SNX30: variants seen among roughly 807,000 people sequenced by gnomAD.
SNX30 encodes the protein sorting nexin family member 30.
A neutral mutation model predicts 46.4 loss-of-function variants in SNX30; 24 were observed. The ratio of observed to expected loss-of-function variants is 0.52; its 90% CI spans 0.37 to 0.73. SNX30 has a LOEUF of 0.73. Ranked by LOEUF, SNX30 falls within the 30% of genes least tolerant of loss-of-function variation. SNX30 has a pLI of 0.00. For missense variants in SNX30, 533 were observed against 555.7 expected, an observed-to-expected ratio of 0.96 and a Z score of 0.41; for synonymous variants, 189 against 211.5, an observed-to-expected ratio of 0.89 and a Z score of 0.92.
intron 5 of SNX30, among the ~76,000 whole-genome samples, chr9:112,837,045 A>G (rs1840766535): frequency 6.6e-6 from 1 of 152,162 alleles, no homozygotes; most frequent in African/African-American, 2.4e-5. Context: ...GACAGACGTG[A>G]GCAGTGTAAA....
intron 1 of SNX30, among the ~76,000 whole-genome samples, chr9:112,764,804 C>T (rs1477490365): frequency 6.6e-6 from 1 of 152,122 alleles, no homozygotes; most frequent in African/African-American, 2.4e-5. Flanking sequence ...AAAAGGTGAG[C>T]CTATAGACAG....
At chr9:112,758,074 C>T (rs976680196) in intron 1 of SNX30, among the ~76,000 whole-genome samples, 1 of 152,120 alleles carries the variant, frequency 6.6e-6, no homozygotes, top group African/African-American at 2.4e-5. Flanking sequence ...CACCTTCCAC[C>T]TTAGAGAAGA....
intron 1 of SNX30, among the ~76,000 whole-genome samples, chr9:112,772,882 C>T (rs919593406): frequency 2.2e-4 from 33 of 152,196 alleles, no homozygotes; most frequent in Non-Finnish European, 1.0e-4. Flanking sequence ...TATGAAAAGG[C>T]TACTTGAAAA....
intron 6 of SNX30, among the ~76,000 whole-genome samples, chr9:112,845,350 C>T (rs986358866): frequency 1.3e-5 from 2 of 152,182 alleles, no homozygotes; most frequent in African/African-American, 2.4e-5. Context: ...TGGTTTACAC[C>T]GCGGAACCCT....
Position 112,836,413 on chromosome 9 carries a change from A to G in SNX30, c.814+4A>G. The G allele has an allele frequency of 6.3e-7, 1 of 1,587,818 alleles. No individual in the cohort carries two copies. The highest frequency in any genetic ancestry group is 8.6e-7 in the Non-Finnish European group (1 of 1,157,944). On this transcript the variant is annotated splice_donor_region_variant and intron_variant, in intron 5 of 8. Transcript: ENST00000374232. The stretch of plus-strand genomic sequence containing the variant: ...CGGATCATCAAAGAAGAAATAGGTG[A>G]GCTGTCTGTTGAGGTCTCGATTATG...
At chr9:112,849,287 A>C (rs1015772989) in intron 6 of SNX30, among the ~76,000 whole-genome samples, 1 of 152,180 alleles carries the variant, frequency 6.6e-6, no homozygotes, top group Non-Finnish European at 1.5e-5. Flanking sequence ...TTATAGATTT[A>C]TGTCATCCAG....
In SNX30 at chr9:112,817,780, A is replaced by G. The variant is rs1447326633; in HGVS notation, c.424A>G (p.Lys142Glu). Residue 142 changes from lysine (K) to glutamate (E), a missense_variant, in exon 3 of 9, where the codon AAA becomes GAA. This residue lies in a region of SNX30 where 81 missense variants were observed against 124.4 expected (regional missense o/e 0.65). Coordinates refer to ENST00000374232, the MANE Select transcript of SNX30 (RefSeq NM_001012994.2). ...CCAGGATTTTGACTGGTTGAGGAGC[A>G]AACTGGAAGAATCCCAGCCCACTCA... ...RYQDFDWLRS[K>E]LEESQPTHLI... 42 of 1,613,796 alleles carry G rather than the reference A, an allele frequency of 2.6e-5. No homozygotes were observed. Among genetic ancestry groups the G allele is most frequent in the Non-Finnish European group, 3.5e-5 (41 of 1,179,832 alleles).
At chr9:112,852,921 AT>A (rs1841052780) in intron 7 of SNX30, among the ~76,000 whole-genome samples, 1 of 152,120 alleles carries the variant, frequency 6.6e-6, no homozygotes, top group Admixed American at 6.5e-5. Flanking sequence ...CAGCTTTGGA[AT>A]TTGAAACCCA....
intron 4 of SNX30, among the ~76,000 whole-genome samples, chr9:112,835,619 G>C (rs146270882): frequency 6.6e-6 from 1 of 152,098 alleles, no homozygotes; most frequent in East Asian, 1.9e-4. Flanking sequence ...GCCTAGCCTG[G>C]CTAATAAGCT....
At chr9:112,866,778 T>C (rs1216797389) in intron 8 of SNX30, among the ~76,000 whole-genome samples, 24 of 129,936 alleles carry the variant, frequency 1.8e-4, no homozygotes, top group South Asian at 8.0e-4. Context: ...GAACTCCTCC[T>C]ACCTCCTCAG....
intron 4 of SNX30, among the ~76,000 whole-genome samples, chr9:112,834,843 A>AACACACACACACACACACACACACACAC (rs79118828): frequency 2.6e-5 from 2 of 78,320 alleles, no homozygotes; most frequent in African/African-American, 4.7e-5. Context: ...CACACACACA[A>AACACACACACACACACACACACACACAC]ACACACACAC....
chr9:112,845,761 C>G lies in SNX30; in HGVS notation c.1015-5098C>G, dbSNP rs59627893. 2.2e-3 allele frequency among the ~76,000 whole-genome samples: 329 copies of G among 152,248 alleles called. 1 individual carries two copies. The highest frequency in any genetic ancestry group is 3.1e-3 in the Non-Finnish European group (210 of 68,036). On this transcript the variant is annotated intron_variant, in intron 6 of 8. Transcript: ENST00000374232. The stretch of plus-strand genomic sequence containing the variant: ...TGGTCCCTCAATGAAAGGACCCAGC[C>G]GAGTCTCCTATGGAGAATGTCAACA...
At chr9:112,846,003 A>G (rs1175515268) in intron 6 of SNX30, among the ~76,000 whole-genome samples, 1 of 152,236 alleles carries the variant, frequency 6.6e-6, no homozygotes, top group Non-Finnish European at 1.5e-5. Flanking sequence ...CACAGCCATA[A>G]AACAGTAATT....
In SNX30 at chr9:112,836,407, T is replaced by C. The variant is rs1840752473; in HGVS notation, c.812T>C (p.Ile271Thr). 1.3e-6 allele frequency: 2 copies of C among 1,589,038 alleles called. No individual in the cohort carries two copies. Among genetic ancestry groups the C allele is most frequent in the Non-Finnish European group, 1.7e-6 (2 of 1,158,922 alleles). Reference protein sequence around the residue: ...RIAQRIIKEEIEYLVELREYG... With the variant: ...RIAQRIIKEETEYLVELREYG... ...GCCCAGCGGATCATCAAAGAAGAAA[T>C]AGGTGAGCTGTCTGTTGAGGTCTCG... The change falls in exon 5 of 9, where the codon ATA (isoleucine) becomes ACA (threonine). Residue 271 changes from isoleucine to threonine, a missense_variant and splice_region_variant. By Grantham distance (89) the Ile-to-Thr change is moderately conservative (BLOSUM62 -1). Coordinates refer to ENST00000374232, the MANE Select transcript of SNX30 (RefSeq NM_001012994.2).
At position 112,826,057 on chromosome 9, in the gene SNX30, T is replaced by G. The variant is rs538891101; in HGVS notation, c.460-4668T>G. ...GCTAAATCTGAAGAATGGACCCCTA[T>G]TGTAGAATGTCATCTTTATGTTAAA... On this transcript the variant is annotated intron_variant, in intron 3 of 8. Coordinates refer to ENST00000374232, the MANE Select transcript of SNX30 (RefSeq NM_001012994.2). Among the ~76,000 whole-genome samples the G allele has an allele frequency of 4.6e-5, 7 of 152,322 alleles. No homozygotes were observed. The South Asian group carries it at 1.4e-3, about 32-fold the overall frequency.
chr9:112,815,214 G>A (rs1468678524), intron 2 of SNX30, among the ~76,000 whole-genome samples: 1 of 151,532 alleles, frequency 6.6e-6, no homozygotes, highest in African/African-American at 2.4e-5. Flanking sequence ...GAAATTGGTT[G>A]TGGCAAAAAT....
At chr9:112,750,744 G>T (rs939969462), upstream of SNX30, 1 of 151,330 alleles carries the variant, frequency 6.6e-6, no homozygotes, top group East Asian at 1.9e-4. Flanking sequence ...CGGTGTGGCT[G>T]TGTGGGCTGG....
intron 3 of SNX30, among the ~76,000 whole-genome samples, chr9:112,823,855 C>T (rs747937081): frequency 8.5e-5 from 13 of 152,194 alleles, no homozygotes; most frequent in Non-Finnish European, 1.3e-4. Context: ...GGTTCAACTT[C>T]CTAATGCTTT....
rs1268188146 is a variant in SNX30, at chr9:112,756,377, C to T, written c.156+5220C>T. Among the ~76,000 whole-genome samples, 3 of 150,260 alleles carry T rather than the reference C, an allele frequency of 2.0e-5. No homozygotes were observed. The East Asian group carries it at 5.8e-4, about 29-fold the overall frequency. On this transcript the variant is annotated intron_variant, in intron 1 of 8. Transcript: ENST00000374232. ...CACGGGGCTTTAATCATTCACATGGCTGATCTGTCCAACTCTCCAAAATTA... is the reference window on the plus strand; with the variant it reads ...CACGGGGCTTTAATCATTCACATGGTTGATCTGTCCAACTCTCCAAAATTA...
Sources: allele counts gnomAD v4.1 joint callset (sites outside exome capture counted in the v4.1 genomes callset), GRCh38; gene constraint gnomAD v4.1.1; regional missense constraint gnomAD v4.1.1; transcripts MANE v1.5; gene names NCBI Gene and HGNC (gene_info 2026-07-23, HGNC 2026-07-21).